KAZN: variants seen among roughly 807,000 people sequenced by gnomAD.
KAZN encodes kazrin, periplakin interacting protein.
KAZN carries 40 observed loss-of-function variants against 87.4 expected under a neutral mutation model. That is an observed-to-expected ratio of 0.46 (90% CI 0.36 to 0.60). KAZN has a LOEUF of 0.60. Ranked by LOEUF, KAZN falls within the 20% of genes least tolerant of loss-of-function variation. The pLI is 0.00. For synonymous variants in KAZN, 466 were observed against 458.3 expected, an observed-to-expected ratio of 1.02 and a Z score of -0.22; for missense variants, 898 against 1,073.9, an observed-to-expected ratio of 0.84 and a Z score of 2.29.
intron 1 of KAZN, among the ~76,000 whole-genome samples, chr1:13,935,864 G>GTA (rs1158912240): frequency 6.0e-5 from 3 of 50,004 alleles, no homozygotes; most frequent in African/African-American, 1.4e-4. Flanking sequence ...ACATCCTAAT[G>GTA]TGTGTGTGTG....
chr1:14,292,301 A>C (rs1246064789), intron 2 of KAZN, among the ~76,000 whole-genome samples: 1 of 152,200 alleles, frequency 6.6e-6, no homozygotes, highest in African/African-American at 2.4e-5. Flanking sequence ...CTGTTCTGGC[A>C]GTATTCAGGG....
chr1:14,098,839 A>G (rs79692788), intron 1 of KAZN, among the ~76,000 whole-genome samples: 7,147 of 152,158 alleles, frequency 0.047, 512 homozygotes, highest in African/African-American at 0.15. Flanking sequence ...TAGTTTTCTC[A>G]TGTATGCCTT....
At position 14,861,996 on chromosome 1, in the gene KAZN, C is replaced by T. The variant is rs530152026; in HGVS notation, c.227-98688C>T. On this transcript the variant is annotated intron_variant, in intron 1 of 14. Transcript: ENST00000376030. ...ATGTAGAAGCTGCCCTTGGACTTTC[C>T]AGTTAGGTGAGCCCATAATTTTATT... Among the ~76,000 whole-genome samples the T allele has an allele frequency of 7.5e-4, 114 of 152,286 alleles. No homozygotes were observed. The Middle Eastern group carries it at 0.014, about 18-fold the overall frequency.
intron 13 of KAZN, among the ~76,000 whole-genome samples, chr1:15,110,549 T>TGTGTGTGTG (rs1641564311): frequency 6.8e-6 from 1 of 147,964 alleles, no homozygotes; most frequent in African/African-American, 2.6e-5. Context: ...GCATATGTGT[T>TGTGTGTGTG]TGTGTGTGTG....
rs372605550 is a variant in KAZN at position 14,735,717 on chromosome 1, G to C, written c.226+136494G>C. 1.3e-5 allele frequency among the ~76,000 whole-genome samples: 2 copies of C among 152,294 alleles called. No homozygotes were observed. The highest frequency in any genetic ancestry group is 2.1e-4 in the South Asian group (1 of 4,826). On this transcript the variant is annotated intron_variant, in intron 1 of 14. Transcript: ENST00000376030. The surrounding 1 kb of genome is among the most constrained non-coding windows in gnomAD (Gnocchi z 4.3). ...CCGACCTGTTCCAGATTTCCAAAGC[G>C]GCATGCCGGGTAATAGCCACTCTTG...
chr1:14,377,601 T>C (rs1263725899), intron 2 of KAZN, among the ~76,000 whole-genome samples: 4 of 152,238 alleles, frequency 2.6e-5, no homozygotes, highest in Non-Finnish European at 1.5e-5. Context: ...CATAACACTG[T>C]CTACTGGTGA....
intron 1 of KAZN, among the ~76,000 whole-genome samples, chr1:13,935,527 G>A (rs1046075868): frequency 4.6e-5 from 7 of 152,138 alleles, no homozygotes; most frequent in African/African-American, 4.8e-5. Context: ...CCTGGCCTTT[G>A]GGGATGCCAT....
At chr1:14,483,243 G>A (rs1051079337) in intron 2 of KAZN, among the ~76,000 whole-genome samples, 2 of 151,994 alleles carry the variant, frequency 1.3e-5, no homozygotes, top group African/African-American at 2.4e-5. Context: ...AAATAAGAAC[G>A]CTAAAGCTAC....
intron 2 of KAZN, among the ~76,000 whole-genome samples, chr1:14,477,109 C>T (rs1668775049): frequency 6.6e-6 from 1 of 152,196 alleles, no homozygotes; most frequent in African/African-American, 2.4e-5. Context: ...ACAATTCCCA[C>T]ATGTCGTGGA....
chr1:13,896,707 C>A (rs528708586), intron 1 of KAZN, among the ~76,000 whole-genome samples: 209 of 152,330 alleles, frequency 1.4e-3, no homozygotes, highest in Middle Eastern at 3.4e-3. Context: ...GATGCTCAGG[C>A]CTTTGCCTTT....
At chr1:14,136,110 C>T (rs1029919551) in intron 1 of KAZN, among the ~76,000 whole-genome samples, 18 of 152,044 alleles carry the variant, frequency 1.2e-4, no homozygotes, top group African/African-American at 3.4e-4. Flanking sequence ...CCATCAAGGC[C>T]TCAGAGAGCA....
intron 1 of KAZN, among the ~76,000 whole-genome samples, chr1:13,936,998 T>A (rs1350255490): frequency 6.6e-6 from 1 of 152,096 alleles, no homozygotes; most frequent in Admixed American, 6.5e-5. Flanking sequence ...CACTTGTATA[T>A]CTTCTTTTGA....
At chr1:14,101,204 G>T (rs1372607978) in intron 1 of KAZN, among the ~76,000 whole-genome samples, 4 of 152,132 alleles carry the variant, frequency 2.6e-5, no homozygotes, top group South Asian at 2.1e-4. Context: ...GCCTTGAAAG[G>T]GTTGCAGTCA....
intron 1 of KAZN, among the ~76,000 whole-genome samples, chr1:14,727,930 A>G (rs1643481589): frequency 6.6e-6 from 1 of 151,990 alleles, no homozygotes; most frequent in South Asian, 2.1e-4. Flanking sequence ...GGATTCTCCT[A>G]AGGAATCAGC....
At chr1:14,473,662 CA>C (rs138041328) in intron 2 of KAZN, among the ~76,000 whole-genome samples, 23,807 of 146,914 alleles carry the variant, frequency 0.16, 2,371 homozygotes, top group Non-Finnish European at 0.23. Context: ...AACACAAAAA[CA>C]AAAAAAAACT....
intron 13 of KAZN, chr1:15,111,870 C>A (rs1485378922): frequency 6.5e-6 from 1 of 153,788 alleles, no homozygotes; most frequent in African/African-American, 2.4e-5. Context: ...ATTTGACCTG[C>A]AGGCAGGCTG....
At chr1:14,521,212 A>C (rs1475420267) in intron 2 of KAZN, among the ~76,000 whole-genome samples, 1 of 152,216 alleles carries the variant, frequency 6.6e-6, no homozygotes, top group Non-Finnish European at 1.5e-5. Flanking sequence ...GATGCCCCCA[A>C]AACGCCAGTC....
chr1:14,612,523 C>T (rs1362634966), intron 1 of KAZN, among the ~76,000 whole-genome samples: 2 of 152,142 alleles, frequency 1.3e-5, no homozygotes, highest in African/African-American at 4.8e-5. Flanking sequence ...GATTCAGATC[C>T]TGGTGATATG....
At chr1:14,378,280 G>A (rs1353593217) in intron 2 of KAZN, among the ~76,000 whole-genome samples, 2 of 151,686 alleles carry the variant, frequency 1.3e-5, no homozygotes, top group African/African-American at 4.8e-5. Flanking sequence ...TTAATTTGAA[G>A]CCACCTACAA....
Sources: allele counts gnomAD v4.1 joint callset (sites outside exome capture counted in the v4.1 genomes callset), GRCh38; gene constraint gnomAD v4.1.1; non-coding constraint Gnocchi (gnomAD v3.1); transcripts MANE v1.5; gene names NCBI Gene and HGNC (gene_info 2026-07-23, HGNC 2026-07-21).